The following MED27 variants were observed in gnomAD, a reference collection of about 807,000 sequenced individuals.
MED27 encodes the protein mediator complex subunit 27, also known as mediator of RNA polymerase II transcription subunit 27.
Under a neutral mutation model 38.2 loss-of-function variants are expected in MED27, and 30 were observed. That is an observed-to-expected ratio of 0.79 (90% CI 0.59 to 1.07). The LOEUF (loss-of-function observed/expected upper bound fraction) is 1.07, where lower values mean the gene tolerates loss of function less well. Among genes scored for constraint, MED27 ranks in the 50% least tolerant of loss-of-function variants. The probability of loss-of-function intolerance (pLI) is 0.00; values close to 1 mark genes in which losing one functional copy is unlikely to be tolerated. For missense variants in MED27, 289 were observed against 397.5 expected (o/e 0.73, Z 2.32); for synonymous variants, 122 against 153.5 (o/e 0.79, Z 1.52).
chr9:131,900,238 G>A (rs1829914331), intron 4 of MED27, among the ~76,000 whole-genome samples: 1 of 152,208 alleles, frequency 6.6e-6, no homozygotes, highest in Non-Finnish European at 1.5e-5. Flanking sequence ...CCCCCATCAG[G>A]TCAGCTGCAC....
chr9:132,019,925 G>A (rs113032574), intron 2 of MED27, among the ~76,000 whole-genome samples: 13 of 152,310 alleles, frequency 8.5e-5, no homozygotes, highest in African/African-American at 2.4e-4. Flanking sequence ...TCCTGCAGGC[G>A]CTGAGACGTT....
intron 4 of MED27, among the ~76,000 whole-genome samples, chr9:131,900,438 AAAAACCTAAC>A (rs1235089412): frequency 2.0e-5 from 3 of 152,248 alleles, no homozygotes; most frequent in Non-Finnish European, 4.4e-5. Flanking sequence ...GACGTCTAAC[AAAAACCTAAC>A]AAATCTGGTG....
intron 4 of MED27, among the ~76,000 whole-genome samples, chr9:131,907,946 T>C (rs1269945354): frequency 7.1e-6 from 1 of 139,998 alleles, no homozygotes; most frequent in Non-Finnish European, 1.5e-5. Flanking sequence ...TCTGCCCGGC[T>C]GCCCCATCTG....
chr9:132,055,979 C>T (rs758021603), intron 2 of MED27, among the ~76,000 whole-genome samples: 2 of 152,152 alleles, frequency 1.3e-5, no homozygotes, highest in African/African-American at 2.4e-5. Flanking sequence ...GAGATTAATT[C>T]GCCCCCAGGA....
intron 3 of MED27, among the ~76,000 whole-genome samples, chr9:132,012,446 G>A (rs1161104745): frequency 1.3e-5 from 2 of 152,224 alleles, no homozygotes; most frequent in African/African-American, 2.4e-5. Flanking sequence ...GCTACTTGTC[G>A]AGGCTGGCTG....
chr9:132,041,107 GA>G (rs917028396), intron 2 of MED27, among the ~76,000 whole-genome samples: 5 of 152,220 alleles, frequency 3.3e-5, no homozygotes, highest in African/African-American at 1.2e-4. Flanking sequence ...ATAAAGTAAA[GA>G]GGGGTAGAGA....
intron 4 of MED27, among the ~76,000 whole-genome samples, chr9:131,902,372 AC>A (rs982015486): frequency 6.6e-6 from 1 of 152,096 alleles, no homozygotes; most frequent in Non-Finnish European, 1.5e-5. Flanking sequence ...TTCTAGGAAA[AC>A]TGTAAAATTG....
At chr9:131,907,240 C>T (rs1830081871) in intron 4 of MED27, among the ~76,000 whole-genome samples, 1 of 152,110 alleles carries the variant, frequency 6.6e-6, no homozygotes, top group African/African-American at 2.4e-5. Flanking sequence ...CCCTCTCCCT[C>T]TCTTTCCACG....
chr9:132,073,337 A>C, intron 2 of MED27: 1 of 992,710 alleles, frequency 1.0e-6, no homozygotes, highest in East Asian at 1.1e-4. Context: ...TTGTAAATTA[A>C]AAATTCAACA....
chr9:132,040,588 T>C (rs544810786), intron 2 of MED27, among the ~76,000 whole-genome samples: 28 of 152,374 alleles, frequency 1.8e-4, no homozygotes, highest in African/African-American at 6.7e-4. Flanking sequence ...ATGTTTACTT[T>C]TAGCTGGGAG....
chr9:132,022,452 GTC>G (rs1832737105), intron 2 of MED27, among the ~76,000 whole-genome samples: 1 of 152,158 alleles, frequency 6.6e-6, no homozygotes, highest in Admixed American at 6.5e-5. Flanking sequence ...TGAATCAAAA[GTC>G]TACAAAGGAA....
intron 4 of MED27, among the ~76,000 whole-genome samples, chr9:131,910,773 CTT>C (rs915861115): frequency 2.6e-5 from 4 of 152,234 alleles, no homozygotes; most frequent in Non-Finnish European, 5.9e-5. Context: ...GAGCCCAACT[CTT>C]TGCAGCCAAA....
At chr9:132,073,714 A>G (rs1419120524) in intron 2 of MED27, 4 of 1,519,118 alleles carry the variant, frequency 2.6e-6, no homozygotes, top group Admixed American at 4.3e-5. Flanking sequence ...TTTCCAATGG[A>G]ATATTCTTGG....
At chr9:131,914,214 A>G (rs971162383) in intron 4 of MED27, among the ~76,000 whole-genome samples, 1 of 152,212 alleles carries the variant, frequency 6.6e-6, no homozygotes, top group Admixed American at 6.5e-5. Context: ...AACAAACTCA[A>G]GACAGTAAGA....
intron 3 of MED27, among the ~76,000 whole-genome samples, chr9:131,975,765 T>G (rs561211979): frequency 1.3e-5 from 2 of 152,202 alleles, no homozygotes; most frequent in African/African-American, 4.8e-5. Context: ...CAGGATCAAC[T>G]GGCTGCAAAG....
At chr9:132,073,883 T>C in intron 2 of MED27, 1 of 1,161,456 alleles carries the variant, frequency 8.6e-7, no homozygotes, top group Non-Finnish European at 1.1e-6. Flanking sequence ...AAGGCGGACG[T>C]CTTAGTCTGC....
intron 4 of MED27, among the ~76,000 whole-genome samples, chr9:131,899,264 C>T (rs1190369450): frequency 6.6e-6 from 1 of 152,226 alleles, no homozygotes; most frequent in Non-Finnish European, 1.5e-5. Flanking sequence ...ATTTTCCCTC[C>T]TGCTGTCACA....
At chr9:132,072,257 A>C (rs1389331752) in intron 2 of MED27, among the ~76,000 whole-genome samples, 1 of 151,714 alleles carries the variant, frequency 6.6e-6, no homozygotes, top group Non-Finnish European at 1.5e-5. Flanking sequence ...GCATTATCTC[A>C]ATCTTCGCTT....
At chr9:132,010,870 C>A (rs927539932) in intron 3 of MED27, among the ~76,000 whole-genome samples, 2 of 151,830 alleles carry the variant, frequency 1.3e-5, no homozygotes, top group Admixed American at 6.6e-5. Context: ...CATCACACAC[C>A]GGGTCCTGTT....
Sources: gnomAD v4.1 joint callset for allele counts (sites outside exome capture counted in the v4.1 genomes callset) on GRCh38, gnomAD v4.1.1 for gene constraint, MANE v1.5 for transcripts, NCBI Gene and HGNC (gene_info 2026-07-23, HGNC 2026-07-21) for gene names.